DDAH1: variants seen among roughly 807,000 people sequenced by gnomAD.
DDAH1 encodes the protein dimethylarginine dimethylaminohydrolase 1, also known as N(G),N(G)-dimethylarginine dimethylaminohydrolase 1.
DDAH1 carries 19 observed loss-of-function variants against 28.8 expected under a neutral mutation model. That is an observed-to-expected ratio of 0.66 (90% CI 0.46 to 0.97). The LOEUF is 0.97. Among genes scored for constraint, DDAH1 ranks in the 50% least tolerant of loss-of-function variants. The probability of loss-of-function intolerance (pLI) is 0.00; values close to 1 mark genes in which losing one functional copy is unlikely to be tolerated. For synonymous variants in DDAH1, 153 were observed against 154.4 expected (o/e 0.99, Z 0.07); for missense variants, 326 against 375.9 (o/e 0.87, Z 1.10).
intron 1 of DDAH1, among the ~76,000 whole-genome samples, chr1:85,569,382 T>C (rs1014650643): frequency 6.6e-6 from 1 of 152,172 alleles, no homozygotes; most frequent in Admixed American, 6.5e-5. Context: ...TGACACCAAA[T>C]TGTGTTCCAA....
intron 1 of DDAH1, among the ~76,000 whole-genome samples, chr1:85,387,701 TC>T (rs1651349010): frequency 6.6e-6 from 1 of 152,188 alleles, no homozygotes; most frequent in Non-Finnish European, 1.5e-5. Flanking sequence ...TAAGGCTGCT[TC>T]CCCATTTTCA....
At chr1:85,534,038 A>T (rs1261906397) in intron 1 of DDAH1, among the ~76,000 whole-genome samples, 1 of 152,226 alleles carries the variant, frequency 6.6e-6, no homozygotes, top group Non-Finnish European at 1.5e-5. Context: ...ATATTGAATG[A>T]GTGAATGAAT....
chr1:85,460,366 T>C (rs1330202806), intron 1 of DDAH1, among the ~76,000 whole-genome samples: 4 of 152,330 alleles, frequency 2.6e-5, no homozygotes, highest in East Asian at 1.9e-4. Flanking sequence ...AATTCCACTT[T>C]TGGGATTTAT....
chr1:85,554,604 T>C (rs1224978013), intron 1 of DDAH1, among the ~76,000 whole-genome samples: 3 of 152,356 alleles, frequency 2.0e-5, no homozygotes, highest in Admixed American at 6.5e-5. Context: ...ATTTATTAAC[T>C]GCACTGCAAC....
rs201470415 is a variant in DDAH1 at position 85,351,577 on chromosome 1, T to C, written c.406A>G (p.Arg136Gly). 1.9e-5 allele frequency: 31 copies of C among 1,613,674 alleles called. No homozygotes were observed. The East Asian group carries it at 5.1e-4, about 27-fold the overall frequency. Residue 136 changes from arginine (R) to glycine (G), a missense_variant and splice_region_variant, in exon 3 of 6, where the codon AGA (arginine) becomes GGA (glycine). Physicochemically the swap from Arg to Gly is moderately radical, Grantham distance 125. Coordinates refer to ENST00000284031, the MANE Select transcript of DDAH1 (RefSeq NM_012137.4). ...LDGGDVLFTG[R>G]EFFVGLSKRT... Reference sequence around the variant, plus strand: ...TTGGAAAGGCCCACAAAAAATTCTCTGCCTGTAATAGATGTCATGGAACAT... The same window carrying C: ...TTGGAAAGGCCCACAAAAAATTCTCCGCCTGTAATAGATGTCATGGAACAT...
intron 1 of DDAH1, among the ~76,000 whole-genome samples, chr1:85,363,851 CAT>C (rs1473556222): frequency 1.3e-5 from 2 of 149,964 alleles, no homozygotes; most frequent in Admixed American, 6.7e-5. Context: ...CATTTTCACA[CAT>C]ATTTTGTCAT....
At chr1:85,471,097 C>T (rs1472714189) in intron 2 of DDAH1, among the ~76,000 whole-genome samples, 1 of 152,162 alleles carries the variant, frequency 6.6e-6, no homozygotes, top group Non-Finnish European at 1.5e-5. Context: ...ATGGGATATA[C>T]TTACAGGAGA....
intron 1 of DDAH1, among the ~76,000 whole-genome samples, chr1:85,414,628 C>T (rs546852261): frequency 6.6e-6 from 1 of 152,320 alleles, no homozygotes; most frequent in East Asian, 1.9e-4. Context: ...TGTTTCTCTT[C>T]CACTTTCTAA....
At chr1:85,512,904 T>C (rs1455700739) in intron 1 of DDAH1, among the ~76,000 whole-genome samples, 2 of 152,140 alleles carry the variant, frequency 1.3e-5, no homozygotes, top group Non-Finnish European at 2.9e-5. Flanking sequence ...AGAATCAATA[T>C]TGTGAAAATG....
intron 1 of DDAH1, among the ~76,000 whole-genome samples, chr1:85,499,526 T>A (rs1009664778): frequency 6.6e-5 from 10 of 152,038 alleles, no homozygotes; most frequent in African/African-American, 2.4e-4. Flanking sequence ...TACAAAAAAA[T>A]TAGCTGGGTG....
intron 1 of DDAH1, among the ~76,000 whole-genome samples, chr1:85,454,659 C>G (rs991080102): frequency 1.3e-5 from 2 of 152,088 alleles, no homozygotes; most frequent in African/African-American, 4.8e-5. Flanking sequence ...ACAATACTTA[C>G]CCTTATGACG....
chr1:85,390,138 T>C (rs1332788261), intron 1 of DDAH1, among the ~76,000 whole-genome samples: 1 of 152,206 alleles, frequency 6.6e-6, no homozygotes, highest in Non-Finnish European at 1.5e-5. Flanking sequence ...TATTTGCTGG[T>C]GGTTAGGGGT....
rs116502306 is a variant in DDAH1 at position 85,369,733 on chromosome 1, T to G, written c.304-10886A>C. 7.8e-3 allele frequency among the ~76,000 whole-genome samples: 1,181 copies of G among 152,250 alleles called. 5 individuals carry two copies. The highest frequency in any genetic ancestry group is 0.012 in the Non-Finnish European group (800 of 68,008). ...GGTGAGGATATGGAGAGATAGGCAA[T>G]AAATAATAAACATTAAAAATATTAG... On this transcript the variant is annotated intron_variant, in intron 1 of 5. Coordinates refer to ENST00000284031, the MANE Select transcript of DDAH1 (RefSeq NM_012137.4).
intron 2 of DDAH1, 48 bp from the exon 3 acceptor site, chr1:85,351,627 G>T: frequency 7.4e-7 from 1 of 1,352,466 alleles, no homozygotes; most frequent in Non-Finnish European, 1.1e-6. Flanking sequence ...ACCAGTGACT[G>T]TACATCATTT....
intron 1 of DDAH1, among the ~76,000 whole-genome samples, chr1:85,457,063 G>C (rs1460853008): frequency 1.3e-5 from 2 of 152,138 alleles, no homozygotes; most frequent in Non-Finnish European, 2.9e-5. Context: ...AATGAAGTGT[G>C]CAAAGTGGCC....
chr1:85,540,146 T>C (rs930293913), intron 1 of DDAH1, among the ~76,000 whole-genome samples: 2 of 152,250 alleles, frequency 1.3e-5, no homozygotes. Flanking sequence ...AAAAATAATG[T>C]GAATCTTAGA....
At chr1:85,483,128 C>T (rs1267910492) in intron 2 of DDAH1, among the ~76,000 whole-genome samples, 4 of 150,778 alleles carry the variant, frequency 2.7e-5, no homozygotes, top group Admixed American at 1.3e-4. Flanking sequence ...GCAGGAAAAC[C>T]GCTTGAACCT....
chr1:85,333,260 C>T (rs233060), intron 4 of DDAH1, among the ~76,000 whole-genome samples: 52,726 of 151,822 alleles, frequency 0.35, 9,224 homozygotes, highest in South Asian at 0.4. Context: ...ACTGCACCAC[C>T]ATATATGCCC....
At chr1:85,482,721 C>CA (rs1656051950) in intron 2 of DDAH1, among the ~76,000 whole-genome samples, 1 of 152,174 alleles carries the variant, frequency 6.6e-6, no homozygotes, top group Non-Finnish European at 1.5e-5. Context: ...TGGACATGTG[C>CA]ACTCACAAAG....
Sources: gnomAD v4.1 joint callset for allele counts (sites outside exome capture counted in the v4.1 genomes callset) on GRCh38, gnomAD v4.1.1 for gene constraint, MANE v1.5 for transcripts, NCBI Gene and HGNC (gene_info 2026-07-23, HGNC 2026-07-21) for gene names.